GALNTL6: variants seen among roughly 807,000 people sequenced by gnomAD.
GALNTL6 encodes the protein polypeptide N-acetylgalactosaminyltransferase-like 6.
A neutral mutation model predicts 73.7 loss-of-function variants in GALNTL6; 46 were observed. The ratio of observed to expected loss-of-function variants is 0.62; its 90% CI spans 0.49 to 0.80. GALNTL6 has a LOEUF of 0.80. Ranked by LOEUF, GALNTL6 falls within the 30% of genes least tolerant of loss-of-function variation. GALNTL6 has a pLI of 0.00. For missense variants in GALNTL6, 604 were observed against 755.0 expected, an observed-to-expected ratio of 0.80 and a Z score of 2.34; for synonymous variants, 259 against 263.7, an observed-to-expected ratio of 0.98 and a Z score of 0.17.
At chr4:172,708,591 C>T (rs1734505394) in intron 5 of GALNTL6, among the ~76,000 whole-genome samples, 1 of 152,194 alleles carries the variant, frequency 6.6e-6, no homozygotes, top group South Asian at 2.1e-4. Flanking sequence ...ATAATACAAA[C>T]CACAAAGGGG....
At chr4:172,889,391 G>A (rs890074816) in intron 8 of GALNTL6, among the ~76,000 whole-genome samples, 3 of 152,018 alleles carry the variant, frequency 2.0e-5, no homozygotes, top group East Asian at 1.9e-4. Context: ...TTGGCTATGG[G>A]TTTATCACAG....
At chr4:171,955,496 T>C (rs1259079758) in intron 2 of GALNTL6, among the ~76,000 whole-genome samples, 1 of 152,022 alleles carries the variant, frequency 6.6e-6, no homozygotes, top group Non-Finnish European at 1.5e-5. Flanking sequence ...GATGCTGAAG[T>C]TCCCAAAATA....
At chr4:172,386,354 G>C (rs933637116) in intron 5 of GALNTL6, among the ~76,000 whole-genome samples, 6 of 152,050 alleles carry the variant, frequency 3.9e-5, no homozygotes, top group Admixed American at 6.6e-5. Flanking sequence ...CACTTTCCCT[G>C]GTTTTAAGAT....
intron 2 of GALNTL6, among the ~76,000 whole-genome samples, chr4:172,053,129 T>C (rs1730924482): frequency 6.6e-6 from 1 of 152,192 alleles, no homozygotes. Context: ...AACTCACGTC[T>C]AATTACCATT....
chr4:172,739,966 G>T (rs905851975), intron 5 of GALNTL6, among the ~76,000 whole-genome samples: 2 of 151,782 alleles, frequency 1.3e-5, no homozygotes, highest in Non-Finnish European at 2.9e-5. Context: ...TACAAGGATG[G>T]CTACATGTTT....
intron 5 of GALNTL6, among the ~76,000 whole-genome samples, chr4:172,399,277 A>G (rs1324463890): frequency 1.3e-5 from 2 of 152,096 alleles, no homozygotes; most frequent in African/African-American, 4.8e-5. Flanking sequence ...AAAAGTTAAC[A>G]GTGTTTAACT....
At chr4:172,701,764 T>G (rs1438451325) in intron 5 of GALNTL6, among the ~76,000 whole-genome samples, 3 of 152,064 alleles carry the variant, frequency 2.0e-5, no homozygotes, top group Non-Finnish European at 4.4e-5. Flanking sequence ...GTTTGAACAT[T>G]GTACATTAAT....
intron 2 of GALNTL6, among the ~76,000 whole-genome samples, chr4:172,196,572 G>A (rs1735779484): frequency 6.6e-6 from 1 of 152,158 alleles, no homozygotes; most frequent in Non-Finnish European, 1.5e-5. Context: ...ACTGAATCCA[G>A]TAGCACATTA....
At chr4:172,660,903 C>T (rs1300724529) in intron 5 of GALNTL6, among the ~76,000 whole-genome samples, 1 of 152,102 alleles carries the variant, frequency 6.6e-6, no homozygotes, top group Non-Finnish European at 1.5e-5. Flanking sequence ...TAAATGAACT[C>T]AAAGCACAAA....
At chr4:172,663,628 T>G (rs774861585) in intron 5 of GALNTL6, among the ~76,000 whole-genome samples, 4 of 152,164 alleles carry the variant, frequency 2.6e-5, no homozygotes, top group Non-Finnish European at 5.9e-5. Context: ...CAGAAATCTA[T>G]GAACTAAAAA....
intron 2 of GALNTL6, among the ~76,000 whole-genome samples, chr4:171,887,833 C>T (rs1188965016): frequency 6.6e-6 from 1 of 151,964 alleles, no homozygotes; most frequent in Non-Finnish European, 1.5e-5. Context: ...TTCTTCCTCC[C>T]ACTAGGGTTT....
chr4:172,513,999 T>G (rs1260839507), intron 5 of GALNTL6, among the ~76,000 whole-genome samples: 2 of 152,140 alleles, frequency 1.3e-5, no homozygotes, highest in African/African-American at 4.8e-5. Context: ...GGCAGGGTTG[T>G]TCTTTTATGA....
chr4:173,023,515 G>T (rs1255708547), intron 12 of GALNTL6, among the ~76,000 whole-genome samples: 2 of 152,100 alleles, frequency 1.3e-5, no homozygotes, highest in Non-Finnish European at 2.9e-5. Context: ...AAATTAGCCA[G>T]GCATGTTGGT....
rs138604881 is a variant in GALNTL6, at chr4:171,982,519, T to C, written c.138+167801T>C. ...TTCACTGTCTTAGCCAGGATGGTCTTGATCTCCTGACCTCGTGATTCGCCC... is the reference window on the plus strand; with the variant it reads ...TTCACTGTCTTAGCCAGGATGGTCTCGATCTCCTGACCTCGTGATTCGCCC... On this transcript the variant is annotated intron_variant, in intron 2 of 12. Transcript: ENST00000506823. Among the ~76,000 whole-genome samples the C allele has an allele frequency of 8.9e-3, 1,355 of 152,104 alleles. 13 individuals carry two copies. The highest frequency in any genetic ancestry group is 0.042 in the South Asian group (200 of 4,812).
At chr4:172,754,771 C>T (rs1737643544) in intron 5 of GALNTL6, among the ~76,000 whole-genome samples, 1 of 151,000 alleles carries the variant, frequency 6.6e-6, no homozygotes, top group South Asian at 2.1e-4. Flanking sequence ...CCCAACTCTT[C>T]CACAATTTAG....
At chr4:173,028,082 A>G (rs909506793) in intron 12 of GALNTL6, among the ~76,000 whole-genome samples, 6 of 152,196 alleles carry the variant, frequency 3.9e-5, no homozygotes, top group Admixed American at 6.5e-5. Flanking sequence ...TGAAGATGTC[A>G]GTTTTTAAAT....
At chr4:173,006,674 C>T (rs1057267132) in intron 10 of GALNTL6, among the ~76,000 whole-genome samples, 3 of 152,194 alleles carry the variant, frequency 2.0e-5, no homozygotes, top group Non-Finnish European at 4.4e-5. Context: ...CAGCCAAGTT[C>T]ATTCCCTGTC....
In GALNTL6 at chr4:172,346,979, G is replaced by C. The variant is rs201658404; in HGVS notation, c.387-1544G>C. Among the ~76,000 whole-genome samples the C allele has an allele frequency of 1.9e-3, 226 of 118,928 alleles. 1 individual carries two copies. Among genetic ancestry groups the C allele is most frequent in the African/African-American group, 6.4e-3 (206 of 32,154 alleles). 78.0% of individuals were successfully genotyped at this position (118,928 alleles called of 152,430 possible). ...CCTATTGATTTTTTTCTTTTCTTTT[G>C]TTTTCTTTCTTTTTTTTTTTTTTTT... On this transcript the variant is annotated intron_variant, in intron 4 of 12. Coordinates refer to ENST00000506823, the MANE Select transcript of GALNTL6 (RefSeq NM_001034845.3).
chr4:172,693,708 C>A (rs1733468906), intron 5 of GALNTL6, among the ~76,000 whole-genome samples: 1 of 152,092 alleles, frequency 6.6e-6, no homozygotes, highest in Admixed American at 6.6e-5. Context: ...TGATTCTCTG[C>A]CTTGGGAAGC....
Sources: gnomAD v4.1 joint callset for allele counts (sites outside exome capture counted in the v4.1 genomes callset) on GRCh38, gnomAD v4.1.1 for gene constraint, MANE v1.5 for transcripts, NCBI Gene and HGNC (gene_info 2026-07-23, HGNC 2026-07-21) for gene names.